PFKFB3: variants seen among roughly 807,000 people sequenced by gnomAD.
The protein encoded by PFKFB3 is 6-phosphofructo-2-kinase/fructose-2,6-biphosphatase 3.
Under a neutral mutation model 68.0 loss-of-function variants are expected in PFKFB3, and 33 were observed. The ratio of observed to expected loss-of-function variants is 0.49; its 90% CI spans 0.37 to 0.65. The LOEUF is 0.65. PFKFB3 is among the 30% of genes least tolerant of loss of function. PFKFB3 has a pLI of 0.00. For missense variants in PFKFB3, 586 were observed against 712.2 expected (o/e 0.82, Z 2.02); for synonymous variants, 315 against 288.2 (o/e 1.09, Z -0.94).
At chr10:6,171,400 C>CTTT (rs76434176) in intron 1 of PFKFB3, among the ~76,000 whole-genome samples, 1 of 141,624 alleles carries the variant, frequency 7.1e-6, no homozygotes, top group Admixed American at 7.2e-5. Context: ...TTCTTTCTTT[C>CTTT]TTTTTTTTTT....
intron 14 of PFKFB3, among the ~76,000 whole-genome samples, chr10:6,251,575 G>A (rs1846382198): frequency 6.6e-6 from 1 of 152,194 alleles, no homozygotes; most frequent in African/African-American, 2.4e-5. Flanking sequence ...GGTGTGTGGG[G>A]AAGATCAATC....
Position 6,227,799 on chromosome 10 carries a change from T to C in PFKFB3, c.1515+1434T>C, listed in dbSNP as rs1845453264. Reference sequence around the variant, plus strand: ...AGGAGCAGGACTGGGAGAGCTCTCATACATATTCCCTTGCAGGTCTCAGAT... The same window carrying C: ...AGGAGCAGGACTGGGAGAGCTCTCACACATATTCCCTTGCAGGTCTCAGAT... On this transcript the variant is annotated intron_variant, in intron 14 of 14. Coordinates refer to ENST00000379775, the MANE Select transcript of PFKFB3 (RefSeq NM_004566.4). Among the ~76,000 whole-genome samples, 4 of 152,222 alleles carry C rather than the reference T, an allele frequency of 2.6e-5. No homozygotes were observed. In the South Asian group the frequency reaches 8.3e-4, roughly 32 times the overall value.
intron 1 of PFKFB3, chr10:6,163,759 C>G (rs911839872): frequency 2.8e-4 from 42 of 151,754 alleles, no homozygotes; most frequent in Non-Finnish European, 5.2e-4. Flanking sequence ...GCGCACGAGC[C>G]GGTCAGCGCG....
At chr10:6,210,951 A>G (rs12764725) in intron 1 of PFKFB3, among the ~76,000 whole-genome samples, 28,176 of 29,370 alleles carry the variant, frequency 0.96, 13,697 homozygotes, top group Middle Eastern at 1. Context: ...CTCATGATCC[A>G]CCCGCCTCGG....
Position 6,220,919 on chromosome 10 carries a change from C to A in PFKFB3, c.831+54C>A. ...TCTGGCTGTAGGGCGGTTGCAGGGT[C>A]TATAGGGTGGGTGGGGAGCTGTGTG... On this transcript the variant is annotated intron_variant, in intron 8 of 14. Transcript: ENST00000379775. The surrounding 1 kb of genome is among the most constrained non-coding windows in gnomAD (Gnocchi z 4.1). 1.1e-5 allele frequency: 16 copies of A among 1,454,936 alleles called. No individual in the cohort carries two copies. Among genetic ancestry groups the A allele is most frequent in the Non-Finnish European group, 1.2e-5 (13 of 1,045,994 alleles). 90.1% of individuals were successfully genotyped at this position (1,454,936 alleles called of 1,614,324 possible).
intron 1 of PFKFB3, among the ~76,000 whole-genome samples, chr10:6,183,760 T>C (rs1228145179): frequency 1.3e-5 from 2 of 151,100 alleles, no homozygotes; most frequent in South Asian, 2.1e-4. Context: ...TGATCTCGGC[T>C]CACTGCAAGC....
the PFKFB3 span, among the ~76,000 whole-genome samples, chr10:6,305,101 A>G: frequency 1.5e-5 from 2 of 134,972 alleles, no homozygotes; most frequent in African/African-American, 2.8e-5. Flanking sequence ...AGCTCAAACT[A>G]TCCTCCTGCC....
In PFKFB3 at chr10:6,215,446, C is replaced by T. The variant is rs1181758691; in HGVS notation, c.299+129C>T. 1.1e-4 allele frequency: 77 copies of T among 702,854 alleles called. 1 individual carries two copies. Among genetic ancestry groups the T allele is most frequent in the South Asian group, 1.0e-3 (62 of 61,924 alleles). The allele number at this position is 702,854 out of a possible 1,614,324, so 43.5% of individuals were successfully genotyped here. ...GGGCTGTGGGAATAAGGCTGGGCTG[C>T]GGGGCTGCGGGTGTAAGGCTGGGCT... On this transcript the variant is annotated intron_variant, in intron 3 of 14. Transcript: ENST00000379775. This position sits in a 1 kb window ranked among gnomAD's most constrained non-coding sequence, Gnocchi z 4.3.
At chr10:6,294,102 G>A in the PFKFB3 span, 3 of 496,128 alleles carry the variant, frequency 6.0e-6, no homozygotes, top group African/African-American at 5.9e-5. Context: ...TGGCGCACCA[G>A]AAACCATGGT....
chr10:6,272,542 A>C, the PFKFB3 span, among the ~76,000 whole-genome samples: 1 of 151,938 alleles, frequency 6.6e-6, no homozygotes, highest in East Asian at 1.9e-4. Context: ...AAAATACAAA[A>C]ATTTTAGCTG....
intron 1 of PFKFB3, among the ~76,000 whole-genome samples, chr10:6,171,071 G>T (rs1245529540): frequency 6.6e-6 from 1 of 151,896 alleles, no homozygotes; most frequent in Non-Finnish European, 1.5e-5. Flanking sequence ...CGCTCTTGTT[G>T]CCCAGGCTGG....
chr10:6,193,034 GCC>G (rs1843076161), intron 1 of PFKFB3, among the ~76,000 whole-genome samples: 1 of 152,116 alleles, frequency 6.6e-6, no homozygotes, highest in Non-Finnish European at 1.5e-5. Context: ...TCTTATGTGA[GCC>G]AGTACTCGCT....
intron 6 of PFKFB3, among the ~76,000 whole-genome samples, chr10:6,218,684 T>G (rs911630048): frequency 1.3e-5 from 2 of 152,156 alleles, no homozygotes; most frequent in Admixed American, 6.6e-5. Context: ...CTGCTTGCCT[T>G]GGCCTCCCAA....
At chr10:6,251,113 C>A (rs1283639520) in intron 14 of PFKFB3, among the ~76,000 whole-genome samples, 2 of 152,092 alleles carry the variant, frequency 1.3e-5, no homozygotes, top group East Asian at 3.8e-4. Flanking sequence ...CCAGGAAAAC[C>A]CAAAATATAT....
the PFKFB3 span, among the ~76,000 whole-genome samples, chr10:6,303,171 G>A: frequency 6.6e-5 from 10 of 152,050 alleles, no homozygotes; most frequent in Admixed American, 3.3e-4. Flanking sequence ...TATGATTTAT[G>A]GACTGCTCTA....
At chr10:6,188,720 T>G (rs976291877) in intron 1 of PFKFB3, among the ~76,000 whole-genome samples, 1 of 152,090 alleles carries the variant, frequency 6.6e-6, no homozygotes, top group Non-Finnish European at 1.5e-5. Flanking sequence ...TGACCTTGTG[T>G]AAGTGGAATC....
chr10:6,321,323 GC>G, the PFKFB3 span, among the ~76,000 whole-genome samples: 1 of 151,830 alleles, frequency 6.6e-6, no homozygotes, highest in African/African-American at 2.4e-5. Context: ...TCCTTGTCAT[GC>G]CCATTCTCTG....
intron 14 of PFKFB3, among the ~76,000 whole-genome samples, chr10:6,243,328 A>C (rs1846183293): frequency 6.6e-6 from 1 of 152,236 alleles, no homozygotes. Flanking sequence ...ATTTGAAGGA[A>C]ACTCAACCAA....
chr10:6,219,749 T>C (rs1231540369), intron 7 of PFKFB3, 56 bp downstream of exon 7: 1 of 1,573,986 alleles, frequency 6.4e-7, no homozygotes, highest in East Asian at 2.3e-5. Context: ...CTTACTGAAT[T>C]CTTGATGTTC....
Sources: gnomAD v4.1 joint callset for allele counts (sites outside exome capture counted in the v4.1 genomes callset) on GRCh38, gnomAD v4.1.1 for gene constraint, Gnocchi (gnomAD v3.1) non-coding constraint, MANE v1.5 for transcripts, NCBI Gene and HGNC (gene_info 2026-07-23, HGNC 2026-07-21) for gene names.